The following NAALADL2 variants were observed in gnomAD, a reference collection of about 807,000 sequenced individuals.
NAALADL2 encodes the protein inactive N-acetylated-alpha-linked acidic dipeptidase-like protein 2.
A neutral mutation model predicts 87.2 loss-of-function variants in NAALADL2; 76 were observed. The ratio of observed to expected loss-of-function variants is 0.87; its 90% CI spans 0.72 to 1.05. The LOEUF is 1.05. NAALADL2 is among the 50% of genes least tolerant of loss of function. NAALADL2 has a pLI of 0.00. For missense variants in NAALADL2, 1,089 were observed against 945.8 expected (o/e 1.15, Z -1.99); for synonymous variants, 354 against 331.0 (o/e 1.07, Z -0.75).
At chr3:175,787,763 A>G (rs1449796718) in intron 13 of NAALADL2, among the ~76,000 whole-genome samples, 1 of 152,194 alleles carries the variant, frequency 6.6e-6, no homozygotes, top group Non-Finnish European at 1.5e-5. Flanking sequence ...TAGAACAAAG[A>G]TATAAAAAAA....
intron 1 of NAALADL2, among the ~76,000 whole-genome samples, chr3:174,995,869 A>C (rs1747375312): frequency 6.6e-6 from 1 of 152,152 alleles, no homozygotes; most frequent in Non-Finnish European, 1.5e-5. Context: ...GGATTGAGTA[A>C]GTAAACCAGA....
intron 1 of NAALADL2, among the ~76,000 whole-genome samples, chr3:175,023,638 T>C (rs553579287): frequency 6.6e-6 from 1 of 152,202 alleles, no homozygotes; most frequent in South Asian, 2.1e-4. Flanking sequence ...ATACTACTCA[T>C]TGTCTGCTAA....
At chr3:174,614,280 C>T (rs1720229253) in intron 2 of NAALADL2, among the ~76,000 whole-genome samples, 1 of 152,102 alleles carries the variant, frequency 6.6e-6, no homozygotes, top group Non-Finnish European at 1.5e-5. Context: ...GTTTTTGTAT[C>T]CTTGTAGCCT....
intron 1 of NAALADL2, among the ~76,000 whole-genome samples, chr3:174,520,662 T>G (rs1379185774): frequency 6.6e-6 from 1 of 152,170 alleles, no homozygotes; most frequent in Non-Finnish European, 1.5e-5. Flanking sequence ...AATTTATGAC[T>G]AAGTCATCAA....
intron 5 of NAALADL2, among the ~76,000 whole-genome samples, chr3:175,350,020 T>G (rs886684230): frequency 6.6e-6 from 1 of 151,282 alleles, no homozygotes; most frequent in African/African-American, 2.4e-5. Flanking sequence ...CTTACAGTTT[T>G]TCATGCTTTC....
chr3:175,471,791 T>C (rs772025042), intron 9 of NAALADL2, 33 bp downstream of exon 9: 3 of 1,550,802 alleles, frequency 1.9e-6, no homozygotes, highest in Non-Finnish European at 8.7e-7. Context: ...CAAATGATTA[T>C]GCAAAACCGA....
At chr3:175,622,960 A>C (rs1019868601) in intron 10 of NAALADL2, among the ~76,000 whole-genome samples, 1 of 152,048 alleles carries the variant, frequency 6.6e-6, no homozygotes, top group Non-Finnish European at 1.5e-5. Context: ...GATCCCATTA[A>C]AAAGGTGATA....
intron 9 of NAALADL2, among the ~76,000 whole-genome samples, chr3:175,479,245 C>T (rs1220297589): frequency 6.6e-6 from 1 of 151,538 alleles, no homozygotes. Context: ...TAATTTGATT[C>T]AATGAAAGAA....
At chr3:175,169,469 A>G (rs1212507521) in intron 2 of NAALADL2, among the ~76,000 whole-genome samples, 2 of 150,998 alleles carry the variant, frequency 1.3e-5, no homozygotes, top group African/African-American at 4.8e-5. Flanking sequence ...ATATATATAT[A>G]TATAATCTGT....
intron 1 of NAALADL2, among the ~76,000 whole-genome samples, chr3:174,865,162 G>A (rs966996636): frequency 6.6e-6 from 1 of 151,876 alleles, no homozygotes; most frequent in Non-Finnish European, 1.5e-5. Context: ...CCCCTGATTA[G>A]TGTAATGCAG....
At chr3:175,104,746 T>G (rs1202217627) in intron 2 of NAALADL2, among the ~76,000 whole-genome samples, 4 of 151,994 alleles carry the variant, frequency 2.6e-5, no homozygotes, top group African/African-American at 9.7e-5. Context: ...AGTAATAGAG[T>G]GATGGCTCCT....
chr3:174,974,161 C>T (rs1297712711), intron 1 of NAALADL2, among the ~76,000 whole-genome samples: 1 of 152,158 alleles, frequency 6.6e-6, no homozygotes, highest in Non-Finnish European at 1.5e-5. Context: ...TATACATTTT[C>T]ATTACTGGTA....
At chr3:175,562,189 G>A (rs1316848252) in intron 9 of NAALADL2, among the ~76,000 whole-genome samples, 1 of 152,094 alleles carries the variant, frequency 6.6e-6, no homozygotes, top group Non-Finnish European at 1.5e-5. Flanking sequence ...CAAGAATACT[G>A]GACTTAGAAA....
In NAALADL2 at chr3:175,607,399, A is replaced by C. The variant is rs546469848; in HGVS notation, c.1801-19892A>C. 3.3e-5 allele frequency among the ~76,000 whole-genome samples: 5 copies of C among 152,304 alleles called. No individual in the cohort carries two copies. In the East Asian group the frequency reaches 7.7e-4, roughly 23 times the overall value. On this transcript the variant is annotated intron_variant, in intron 10 of 13. Coordinates refer to ENST00000454872, the MANE Select transcript of NAALADL2 (RefSeq NM_207015.3). ...TCCTTCCACTCTGCTAACTTTATAC[A>C]TATTTTGTCATATCAAAAACTTTTT...
At chr3:175,527,549 T>C (rs1231104142) in intron 9 of NAALADL2, among the ~76,000 whole-genome samples, 4 of 152,252 alleles carry the variant, frequency 2.6e-5, no homozygotes, top group African/African-American at 7.2e-5. Flanking sequence ...ACAGAAATAA[T>C]ACTCAAATGA....
intron 1 of NAALADL2, among the ~76,000 whole-genome samples, chr3:174,488,046 G>A (rs1717964370): frequency 6.6e-6 from 1 of 151,986 alleles, no homozygotes; most frequent in South Asian, 2.1e-4. Context: ...TGGATGTCAG[G>A]TAGAGACGAT....
chr3:175,616,768 G>A (rs1725405548), intron 10 of NAALADL2, among the ~76,000 whole-genome samples: 1 of 152,114 alleles, frequency 6.6e-6, no homozygotes, highest in Non-Finnish European at 1.5e-5. Context: ...CAATATTGGG[G>A]TAATACAAGG....
chr3:175,457,141 C>G (rs567981822), intron 6 of NAALADL2, among the ~76,000 whole-genome samples: 1 of 151,980 alleles, frequency 6.6e-6, no homozygotes, highest in Non-Finnish European at 1.5e-5. Flanking sequence ...ATGGATCCAA[C>G]GTTCGTCACT....
At chr3:175,360,437 A>G (rs1428201553) in intron 5 of NAALADL2, among the ~76,000 whole-genome samples, 2 of 152,042 alleles carry the variant, frequency 1.3e-5, no homozygotes, top group Non-Finnish European at 2.9e-5. Flanking sequence ...ACAGCCTAAT[A>G]ATTCCCTTTG....
Sources: gnomAD v4.1 joint callset for allele counts (sites outside exome capture counted in the v4.1 genomes callset) on GRCh38, gnomAD v4.1.1 for gene constraint, MANE v1.5 for transcripts, NCBI Gene and HGNC (gene_info 2026-07-23, HGNC 2026-07-21) for gene names.